THG1L: variants seen among roughly 807,000 people sequenced by gnomAD.
THG1L encodes the protein probable tRNA(His) guanylyltransferase.
A neutral mutation model predicts 35.2 loss-of-function variants in THG1L; 27 were observed. That is an observed-to-expected ratio of 0.77 (90% CI 0.57 to 1.06). THG1L has a LOEUF of 1.06. THG1L is among the 50% of genes least tolerant of loss of function. The probability of loss-of-function intolerance (pLI) is 0.00; values close to 1 mark genes in which losing one functional copy is unlikely to be tolerated. For missense variants in THG1L, 377 were observed against 371.8 expected, an observed-to-expected ratio of 1.01 and a Z score of -0.12; for synonymous variants, 135 against 132.4, an observed-to-expected ratio of 1.02 and a Z score of -0.14.
chr5:157,736,705 C>T (rs78122820), intron 4 of THG1L, among the ~76,000 whole-genome samples: 1,639 of 152,348 alleles, frequency 0.011, 28 homozygotes, highest in African/African-American at 0.038. Context: ...ATAATAACTA[C>T]TCACATCATG....
At position 157,731,520 on chromosome 5, in the gene THG1L, G is replaced by C. The variant is rs753488806; in HGVS notation, c.80G>C (p.Gly27Ala). Reference sequence around the variant, plus strand: ...ACTCTGAGACGGTACCTGAGATTGGGGGCGACCATGGCAAAAAGCAAGTTC... The same window carrying C: ...ACTCTGAGACGGTACCTGAGATTGGCGGCGACCATGGCAAAAAGCAAGTTC... ...SITLRRYLRL[G>A]ATMAKSKFEY... Residue 27 changes from glycine to alanine, a missense_variant, in exon 1 of 6, where the codon GGG becomes GCG. Coordinates refer to ENST00000231198, the MANE Select transcript of THG1L (RefSeq NM_017872.5). 2 of 1,613,006 alleles carry C rather than the reference G, an allele frequency of 1.2e-6. No homozygotes were observed. Among genetic ancestry groups the C allele is most frequent in the South Asian group, 2.2e-5 (2 of 90,780 alleles).
chr5:157,738,822 A>C (rs920213437), intron 5 of THG1L: 61 of 213,994 alleles, frequency 2.9e-4, no homozygotes, highest in African/African-American at 1.6e-3. Context: ...GAATAGTATA[A>C]CCTTTTTTTT....
In THG1L at chr5:157,735,888, TACA is replaced by T. The variant is rs1760858537; in HGVS notation, c.586_588del (p.Gln196del). The T allele has an allele frequency of 6.2e-7, 1 of 1,607,360 alleles. No homozygotes were observed. The highest frequency in any genetic ancestry group is 8.5e-7 in the Non-Finnish European group (1 of 1,177,930). On this transcript the variant is annotated inframe_deletion, in exon 4 of 6. Coordinates refer to ENST00000231198, the MANE Select transcript of THG1L (RefSeq NM_017872.5). ...TATAATACAGTTTTCTGGGCACTTA[TACA>T]ACAATCTGGACTAACACCAGTACAA... is the stretch of plus-strand genomic sequence containing the variant.
chr5:157,737,495 G>C (rs940796014), intron 4 of THG1L, among the ~76,000 whole-genome samples: 2 of 151,850 alleles, frequency 1.3e-5, no homozygotes, highest in South Asian at 2.1e-4. Context: ...AAAAAAAAAG[G>C]CATACTGGTA....
At position 157,739,563 on chromosome 5, in the gene THG1L, G is replaced by A. The variant is rs1760981711; in HGVS notation, c.*81G>A. 5 of 1,499,728 alleles carry A rather than the reference G, an allele frequency of 3.3e-6. No individual in the cohort carries two copies. Among genetic ancestry groups the A allele is most frequent in the Admixed American group, 2.1e-5 (1 of 46,930 alleles). The allele number at this position is 1,499,728 out of a possible 1,614,324, so 92.9% of individuals were successfully genotyped here. On this transcript the variant is annotated 3_prime_UTR_variant, in exon 6 of 6. Transcript: ENST00000231198. ...GGGCTCCTTGCCTTAGGTGGCTGTAGCATCCCTACCACCCAGGACACTGGT... is the reference window on the plus strand; with the variant it reads ...GGGCTCCTTGCCTTAGGTGGCTGTAACATCCCTACCACCCAGGACACTGGT...
At position 157,731,595 on chromosome 5, in the gene THG1L, G is replaced by T; in HGVS notation, c.155G>T (p.Trp52Leu). ...GACGACACCTGCCTGGCACACTGCT[G>T]GGTGGTAGTGCGGCTGGACGGCCGG... ...EADDTCLAHC[W>L]VVVRLDGRNF... The change falls in exon 1 of 6, where the codon TGG becomes TTG. Residue 52 changes from tryptophan (W) to leucine (L), a missense_variant. Physicochemically the swap from Trp to Leu is moderately conservative, Grantham distance 61. Transcript: ENST00000231198. 1.9e-6 allele frequency: 3 copies of T among 1,605,120 alleles called. No homozygotes were observed. The highest frequency in any genetic ancestry group is 2.6e-6 in the Non-Finnish European group (3 of 1,175,594).
intron 4 of THG1L, among the ~76,000 whole-genome samples, chr5:157,736,416 A>AT (rs1251080264): frequency 6.6e-6 from 1 of 151,656 alleles, no homozygotes; most frequent in Non-Finnish European, 1.5e-5. Flanking sequence ...CACCCAGCTA[A>AT]TTTTTGTATT....
At chr5:157,736,841 A>G (rs1200130771) in intron 4 of THG1L, among the ~76,000 whole-genome samples, 2 of 152,286 alleles carry the variant, frequency 1.3e-5, no homozygotes, top group Non-Finnish European at 2.9e-5. Context: ...ACAGAATCGT[A>G]TGAAGCACAT....
At chr5:157,735,427 T>G (rs2900724) in intron 3 of THG1L, among the ~76,000 whole-genome samples, 52,521 of 152,038 alleles carry the variant, frequency 0.35, 9,249 homozygotes, top group East Asian at 0.55. Flanking sequence ...CACATTTATG[T>G]TCATGCTGGC....
At chr5:157,734,863 T>C in intron 3 of THG1L, 118 bp downstream of exon 3, 3 of 1,080,910 alleles carry the variant, frequency 2.8e-6, no homozygotes, top group South Asian at 4.3e-5. Context: ...TTGTACAGAA[T>C]GCAGTATTTA....
Position 157,731,631 on chromosome 5 carries a change from G to T in THG1L, c.191G>T (p.Arg64Leu). 1 of 1,595,044 alleles carries T rather than the reference G, an allele frequency of 6.3e-7. No homozygotes were observed. The highest frequency in any genetic ancestry group is 8.6e-7 in the Non-Finnish European group (1 of 1,168,496). The change falls in exon 1 of 6, where the codon CGG (arginine) becomes CTG (leucine). Residue 64 changes from arginine to leucine, a missense_variant and splice_region_variant. Arg to Leu is a moderately radical substitution (Grantham distance 102). Transcript: ENST00000231198. ...CGGCTGGACGGCCGGAATTTCCATC[G>T]GTGAGCGAGCTCGACTCGGGGCGTC... ...VVRLDGRNFH[R>L]FAEKHNFAKP...
Position 157,739,612 on chromosome 5 carries a change from G to T in THG1L, c.*130G>T. ...GTGCGAATGACACAACTCAAGTTGG[G>T]AGGGGAACAGGGAAGGAAGGGATGG... On this transcript the variant is annotated 3_prime_UTR_variant, in exon 6 of 6. Coordinates refer to ENST00000231198, the MANE Select transcript of THG1L (RefSeq NM_017872.5). 1.2e-5 allele frequency: 14 copies of T among 1,121,176 alleles called. No individual in the cohort carries two copies. The highest frequency in any genetic ancestry group is 1.7e-5 in the Non-Finnish European group (14 of 805,434). The allele number at this position is 1,121,176 out of a possible 1,614,324, so 69.5% of individuals were successfully genotyped here. A position where few individuals can be genotyped will look rare whatever the true frequency, so the allele number is the denominator to read the frequency against.
At chr5:157,732,251 GAGAGAGAGAAAGAAGGA>G (rs1760748600) in intron 1 of THG1L, among the ~76,000 whole-genome samples, 2 of 133,136 alleles carry the variant, frequency 1.5e-5, no homozygotes, top group East Asian at 2.1e-4. Flanking sequence ...AAAAGAGAGA[GAGAGAGAGAAAGAAGGA>G]AGAGAGAAAG....
Position 157,740,081 on chromosome 5 carries a change from G to A in THG1L, c.*599G>A, listed in dbSNP as rs911324024. On this transcript the variant is annotated 3_prime_UTR_variant, in exon 6 of 6. Coordinates refer to ENST00000231198, the MANE Select transcript of THG1L (RefSeq NM_017872.5). ...TGAGTAGTGGCTTCAGTGTCCTTGCGTACACATTCTGTGGATTGATTTAAT... is the reference window on the plus strand; with the variant it reads ...TGAGTAGTGGCTTCAGTGTCCTTGCATACACATTCTGTGGATTGATTTAAT... 1 of 152,154 alleles carries A rather than the reference G, an allele frequency of 6.6e-6. No individual in the cohort carries two copies. Among genetic ancestry groups the A allele is most frequent in the Admixed American group, 6.6e-5 (1 of 15,264 alleles). The allele number at this position is 152,154 out of a possible 1,614,324, so 9.4% of individuals were successfully genotyped here.
In THG1L at chr5:157,740,157, G is replaced by T. The variant is rs1760996342; in HGVS notation, c.*675G>T. ...TCTAGCCAGGGGCATAGTTGCCAAGGCCATTTACCTCTTTCTAAGAAGAAA... is the reference window on the plus strand; with the variant it reads ...TCTAGCCAGGGGCATAGTTGCCAAGTCCATTTACCTCTTTCTAAGAAGAAA... On this transcript the variant is annotated 3_prime_UTR_variant, in exon 6 of 6. Transcript: ENST00000231198. 1 of 152,194 alleles carries T rather than the reference G, an allele frequency of 6.6e-6. No homozygotes were observed. The highest frequency in any genetic ancestry group is 1.5e-5 in the Non-Finnish European group (1 of 68,034). The allele number at this position is 152,194 out of a possible 1,614,324, so 9.4% of individuals were successfully genotyped here.
At chr5:157,732,265 A>G (rs1760749361) in intron 1 of THG1L, among the ~76,000 whole-genome samples, 1 of 147,114 alleles carries the variant, frequency 6.8e-6, no homozygotes, top group Non-Finnish European at 1.5e-5. Flanking sequence ...GAGAGAAAGA[A>G]GGAAGAGAGA....
Position 157,733,054 on chromosome 5 carries a change from T to A in THG1L, c.368+10T>A. Reference sequence around the variant, plus strand: ...TTAAAAGAAGAGCCAGGTAATTCCATGACCTAACTCCTTTCTTCAGAATAT... The same window carrying A: ...TTAAAAGAAGAGCCAGGTAATTCCAAGACCTAACTCCTTTCTTCAGAATAT... On this transcript the variant is annotated intron_variant, in intron 2 of 5. Transcript: ENST00000231198. 2 of 1,613,378 alleles carry A rather than the reference T, an allele frequency of 1.2e-6. No homozygotes were observed. Among genetic ancestry groups the A allele is most frequent in the Non-Finnish European group, 1.7e-6 (2 of 1,179,372 alleles).
Position 157,739,552 on chromosome 5 carries a change from A to G in THG1L, c.*70A>G, listed in dbSNP as rs1760981263. 6.6e-7 allele frequency: 1 copy of G among 1,525,400 alleles called. No homozygotes were observed. Among genetic ancestry groups the G allele is most frequent in the Non-Finnish European group, 8.8e-7 (1 of 1,134,392 alleles). The allele number at this position is 1,525,400 out of a possible 1,614,324, so 94.5% of individuals were successfully genotyped here. ...CCCACCTCCCAGGGCTCCTTGCCTT[A>G]GGTGGCTGTAGCATCCCTACCACCC... is the stretch of plus-strand genomic sequence containing the variant. On this transcript the variant is annotated 3_prime_UTR_variant, in exon 6 of 6. Transcript: ENST00000231198.
At position 157,739,185 on chromosome 5, in the gene THG1L, A is replaced by G. The variant is rs1760967386; in HGVS notation, c.736-136A>G. 3 of 683,866 alleles carry G rather than the reference A, an allele frequency of 4.4e-6. No individual in the cohort carries two copies. In the Admixed American group the frequency reaches 9.1e-5, roughly 21 times the overall value. The allele number at this position is 683,866 out of a possible 1,614,324, so 42.4% of individuals were successfully genotyped here. A position where few individuals can be genotyped will look rare whatever the true frequency, so the allele number is the denominator to read the frequency against. Reference sequence around the variant, plus strand: ...CATATATGCGCATATATATACACATATTTATATCTATATATATCTCAAATC... The same window carrying G: ...CATATATGCGCATATATATACACATGTTTATATCTATATATATCTCAAATC... On this transcript the variant is annotated intron_variant, in intron 5 of 5. Transcript: ENST00000231198.
Sources: gnomAD v4.1 joint callset for allele counts (sites outside exome capture counted in the v4.1 genomes callset) on GRCh38, gnomAD v4.1.1 for gene constraint, MANE v1.5 for transcripts, NCBI Gene and HGNC (gene_info 2026-07-23, HGNC 2026-07-21) for gene names.